Variants in SYNE1 observed in about 807,000 individuals in gnomAD.
SYNE1 encodes nesprin-1.
In SYNE1, 616 loss-of-function variants were observed where a neutral mutation model predicts 1,111.0. The ratio of observed to expected loss-of-function variants is 0.55; its 90% CI spans 0.52 to 0.59. The LOEUF (loss-of-function observed/expected upper bound fraction) is 0.59, where lower values mean the gene tolerates loss of function less well. SYNE1 is among the 20% of genes least tolerant of loss of function. The pLI is 0.00. For synonymous variants in SYNE1, 3,855 were observed against 3,825.8 expected, an observed-to-expected ratio of 1.01 and a Z score of -0.28; for missense variants, 10,006 against 10,417.0, an observed-to-expected ratio of 0.96 and a Z score of 1.72.
chr6:152,443,173 A>G (rs547243882), intron 30 of SYNE1, among the ~76,000 whole-genome samples: 3 of 152,334 alleles, frequency 2.0e-5, no homozygotes, highest in Admixed American at 1.3e-4. Context: ...ATAAATATCT[A>G]TAATCTTAAA....
intron 127 of SYNE1, among the ~76,000 whole-genome samples, chr6:152,194,254 G>C (rs1484851462): frequency 1.3e-5 from 2 of 152,090 alleles, no homozygotes; most frequent in Non-Finnish European, 2.9e-5. Context: ...CTTCATGATT[G>C]AAAGACGTTT....
chr6:152,127,778 AT>A (rs1167353762), intron 145 of SYNE1: 1 of 152,220 alleles, frequency 6.6e-6, no homozygotes, highest in East Asian at 1.9e-4. Context: ...TTCAAAACAA[AT>A]TCTACAAGAA....
At chr6:152,357,468 T>A (rs1393744861) in intron 66 of SYNE1, among the ~76,000 whole-genome samples, 1 of 152,174 alleles carries the variant, frequency 6.6e-6, no homozygotes, top group African/African-American at 2.4e-5. Context: ...TTCCAACACA[T>A]CACTGGTGGG....
rs1394116781 is a variant in SYNE1 at position 152,211,580 on chromosome 6, T to C, written c.22503A>G (p.Gln7501=). 14 of 1,613,174 alleles carry C rather than the reference T, an allele frequency of 8.7e-6. No individual in the cohort carries two copies. Among genetic ancestry groups the C allele is most frequent in the Non-Finnish European group, 1.1e-5 (13 of 1,179,502 alleles). Reference sequence around the variant, plus strand: ...TCTGCTGACGACTGAACATCTCGGCTTGAAACAACTATAATTTAAAAAAAA... The same window carrying C: ...TCTGCTGACGACTGAACATCTCGGCCTGAAACAACTATAATTTAAAAAAAA... ...LEQQRAHELF[Q]AEMFSRQQIL... Residue 7501 remains glutamine, a synonymous_variant, in exon 124 of 146, where the codon CAA becomes CAG. Transcript: ENST00000367255.
chr6:152,239,306 T>TA lies in SYNE1; in HGVS notation c.20067+226dup, dbSNP rs147744208. Among the ~76,000 whole-genome samples, 1,176 of 152,296 alleles carry TA rather than the reference T, an allele frequency of 7.7e-3. 13 individuals carry two copies. Among genetic ancestry groups the TA allele is most frequent in the African/African-American group, 0.027 (1,107 of 41,558 alleles). On this transcript the variant is annotated intron_variant, in intron 108 of 145. Coordinates refer to ENST00000367255, the MANE Select transcript of SYNE1 (RefSeq NM_182961.4). ...TCATGCATAGTCTGAAGTCAGTGTG[T>TA]ATCTATCTTACTTTCGACATGGCAC...
At chr6:152,231,108 G>C (rs1334659972) in intron 114 of SYNE1, among the ~76,000 whole-genome samples, 1 of 152,182 alleles carries the variant, frequency 6.6e-6, no homozygotes, top group Non-Finnish European at 1.5e-5. Flanking sequence ...CTATTACTGG[G>C]AAGCAAGAAA....
In SYNE1 at chr6:152,344,029, T is replaced by C. The variant is rs1456479352; in HGVS notation, c.12225+52A>G. ...TCATAGGTACTTCACACATTTTCACTGACGCTCTGAATGATTCACAAGAAT... is the reference window on the plus strand; with the variant it reads ...TCATAGGTACTTCACACATTTTCACCGACGCTCTGAATGATTCACAAGAAT... On this transcript the variant is annotated intron_variant, in intron 74 of 145. Coordinates refer to ENST00000367255, the MANE Select transcript of SYNE1 (RefSeq NM_182961.4). 2.5e-6 allele frequency: 4 copies of C among 1,612,402 alleles called. No homozygotes were observed. The Admixed American group carries it at 6.7e-5, about 27-fold the overall frequency.
Position 152,444,344 on chromosome 6 carries a change from T to C in SYNE1, c.3837+67A>G. 2 of 1,558,948 alleles carry C rather than the reference T, an allele frequency of 1.3e-6. 1 individual carries two copies. The highest frequency in any genetic ancestry group is 2.2e-5 in the South Asian group (2 of 89,452). On this transcript the variant is annotated intron_variant, in intron 30 of 145. Coordinates refer to ENST00000367255, the MANE Select transcript of SYNE1 (RefSeq NM_182961.4). Reference sequence around the variant, plus strand: ...CTCAAGCCAGTGGTTGTATTCTTTATCTCTCTGGTTCTTTCAGTAGCAAAT... The same window carrying C: ...CTCAAGCCAGTGGTTGTATTCTTTACCTCTCTGGTTCTTTCAGTAGCAAAT...
At chr6:152,458,330 A>G (rs1485071731) in intron 22 of SYNE1, among the ~76,000 whole-genome samples, 1 of 152,168 alleles carries the variant, frequency 6.6e-6, no homozygotes, top group Non-Finnish European at 1.5e-5. Flanking sequence ...TGAACTTTGC[A>G]CTTTCTGTAG....
At chr6:152,293,786 GC>G in intron 94 of SYNE1, 37 bp from the exon 95 acceptor site, 1 of 1,613,590 alleles carries the variant, frequency 6.2e-7, no homozygotes, top group Non-Finnish European at 8.5e-7. Context: ...ATGCTTCCCA[GC>G]CCCTTATCTT....
chr6:152,381,445 C>A, intron 55 of SYNE1, 83 bp from the exon 56 acceptor site: 3 of 1,419,670 alleles, frequency 2.1e-6, no homozygotes, highest in Admixed American at 1.7e-5. Flanking sequence ...ACAGGGGGAC[C>A]CTGTCCTGCC....
At chr6:152,376,698 G>C in intron 57 of SYNE1, 78 bp downstream of exon 57, 1 of 1,587,524 alleles carries the variant, frequency 6.3e-7, no homozygotes, top group Admixed American at 1.7e-5. Context: ...ATATTATTTT[G>C]AAATTACACC....
chr6:152,224,890 G>A (rs1208149448), intron 116 of SYNE1, among the ~76,000 whole-genome samples: 3 of 144,950 alleles, frequency 2.1e-5, no homozygotes, highest in East Asian at 2.0e-4. Context: ...ATGCTTAAAA[G>A]GGTAACTGAT....
At chr6:152,263,256 C>T (rs1375720959) in intron 100 of SYNE1, among the ~76,000 whole-genome samples, 1 of 151,464 alleles carries the variant, frequency 6.6e-6, no homozygotes, top group Non-Finnish European at 1.5e-5. Flanking sequence ...GTACAGGACA[C>T]AGAGAGACAG....
intron 3 of SYNE1, among the ~76,000 whole-genome samples, chr6:152,562,941 A>C (rs987435066): frequency 1.3e-5 from 2 of 152,152 alleles, no homozygotes; most frequent in African/African-American, 4.8e-5. Flanking sequence ...TTAGGTTCAG[A>C]TACAATAGGA....
intron 101 of SYNE1, among the ~76,000 whole-genome samples, chr6:152,259,096 C>G (rs1424140389): frequency 2.0e-5 from 3 of 152,156 alleles, no homozygotes; most frequent in African/African-American, 7.2e-5. Context: ...AGGCTGACTA[C>G]TCATGATCCT....
intron 90 of SYNE1, 37 bp from the exon 91 acceptor site, chr6:152,308,669 T>A: frequency 6.3e-7 from 1 of 1,588,670 alleles, no homozygotes; most frequent in African/African-American, 1.4e-5. Context: ...ATAGACAGTT[T>A]TTTTTCTCTA....
chr6:152,563,252 T>C (rs1190995612), intron 3 of SYNE1, among the ~76,000 whole-genome samples: 1 of 152,076 alleles, frequency 6.6e-6, no homozygotes, highest in Non-Finnish European at 1.5e-5. Context: ...CAAGGGAACT[T>C]CCAACTCTCC....
intron 96 of SYNE1, 157 bp from the exon 97 acceptor site, chr6:152,282,137 A>G (rs2094067888): frequency 1.4e-6 from 1 of 721,940 alleles, no homozygotes; most frequent in Non-Finnish European, 2.4e-6. Flanking sequence ...CAGAACAACA[A>G]TCAGAATTTC....
Sources: allele counts gnomAD v4.1 joint callset (sites outside exome capture counted in the v4.1 genomes callset), GRCh38; gene constraint gnomAD v4.1.1; transcripts MANE v1.5; gene names NCBI Gene and HGNC (gene_info 2026-07-23, HGNC 2026-07-21).